CACNG5: variants seen among roughly 807,000 people sequenced by gnomAD.
The protein encoded by CACNG5 is voltage-dependent calcium channel gamma-5 subunit.
A neutral mutation model predicts 24.8 loss-of-function variants in CACNG5; 18 were observed. The observed-to-expected ratio is 0.73, with a 90% CI of 0.50 to 1.08. CACNG5 has a LOEUF of 1.08. Among genes scored for constraint, CACNG5 ranks in the 50% least tolerant of loss-of-function variants. The pLI, the probability that CACNG5 is intolerant of heterozygous loss-of-function variation, is 0.00. For missense variants in CACNG5, 349 were observed against 367.9 expected, an observed-to-expected ratio of 0.95 and a Z score of 0.42; for synonymous variants, 157 against 149.1, an observed-to-expected ratio of 1.05 and a Z score of -0.39.
chr17:66,838,990 C>G (rs1236774631), intron 1 of CACNG5, among the ~76,000 whole-genome samples: 1 of 85,824 alleles, frequency 1.2e-5, no homozygotes, highest in Non-Finnish European at 2.3e-5. Context: ...GAGACAGAGT[C>G]TCACTCTGTC....
At chr17:66,842,810 C>T (rs1476497813) in intron 1 of CACNG5, among the ~76,000 whole-genome samples, 1 of 152,162 alleles carries the variant, frequency 6.6e-6, no homozygotes, top group Non-Finnish European at 1.5e-5. Flanking sequence ...TCACCTTTGG[C>T]CAAGCAGCTG....
chr17:66,864,353 G>C (rs1303476138), intron 1 of CACNG5, among the ~76,000 whole-genome samples: 1 of 152,302 alleles, frequency 6.6e-6, no homozygotes, highest in African/African-American at 2.4e-5. Context: ...TCATAAGATT[G>C]CTGTGCCATC....
intron 1 of CACNG5, among the ~76,000 whole-genome samples, chr17:66,840,805 C>T (rs147430484): frequency 4.6e-5 from 7 of 152,228 alleles, no homozygotes; most frequent in African/African-American, 1.4e-4. Flanking sequence ...CTGGGACTGT[C>T]GGGCACACCG....
At chr17:66,862,106 T>C (rs1192445943) in intron 1 of CACNG5, among the ~76,000 whole-genome samples, 2 of 152,174 alleles carry the variant, frequency 1.3e-5, no homozygotes, top group Admixed American at 1.3e-4. Context: ...TTGGGTTGTA[T>C]CTGCAGGGCA....
intron 1 of CACNG5, among the ~76,000 whole-genome samples, chr17:66,843,129 G>T (rs1297460930): frequency 6.6e-6 from 1 of 152,122 alleles, no homozygotes; most frequent in African/African-American, 2.4e-5. Flanking sequence ...CTTGGTTGAG[G>T]GTATTATGAT....
chr17:66,867,383 T>C (rs1976944473), intron 1 of CACNG5, among the ~76,000 whole-genome samples: 1 of 152,234 alleles, frequency 6.6e-6, no homozygotes, highest in African/African-American at 2.4e-5. Flanking sequence ...CTTTGTTAGA[T>C]GAGTAGATTG....
intron 1 of CACNG5, among the ~76,000 whole-genome samples, chr17:66,858,537 G>C (rs1290631515): frequency 2.0e-5 from 3 of 152,162 alleles, no homozygotes; most frequent in African/African-American, 7.2e-5. Context: ...GGGATCTCCA[G>C]CTGAGCGGCA....
intron 1 of CACNG5, among the ~76,000 whole-genome samples, chr17:66,849,495 C>G (rs1407758961): frequency 3.3e-5 from 5 of 152,212 alleles, no homozygotes. Context: ...AACCCTGAAC[C>G]TTGGGATTAC....
In CACNG5 at chr17:66,880,630, C is replaced by T. The variant is rs1977145408; in HGVS notation, c.357C>T (p.Asn119=). 3 of 1,614,186 alleles carry T rather than the reference C, an allele frequency of 1.9e-6. No homozygotes were observed. Among genetic ancestry groups the T allele is most frequent in the East Asian group, 2.2e-5 (1 of 44,892 alleles). ...TGTTCATTGGGTTTATCCTGAACAA[C>T]ATCGGACACATCCGTCCCCACCGGA... The part of the protein sequence containing the change: ...FFMFIGFILN[N]IGHIRPHRTI... The change falls in exon 4 of 6, where the codon AAC becomes AAT. Residue 119 remains asparagine, a synonymous_variant. Transcript: ENST00000533854.
Position 66,877,284 on chromosome 17 carries a change from C to T in CACNG5, c.-49C>T, listed in dbSNP as rs189220145. The T allele has an allele frequency of 1.4e-3, 2,192 of 1,532,554 alleles. 10 individuals are homozygous for T. Among genetic ancestry groups the T allele is most frequent in the Non-Finnish European group, 1.1e-3 (1,225 of 1,115,648 alleles). The allele number at this position is 1,532,554 out of a possible 1,614,324, so 94.9% of individuals were successfully genotyped here. A position where few individuals can be genotyped will look rare whatever the true frequency, so the allele number is the denominator to read the frequency against. On this transcript the variant is annotated 5_prime_UTR_variant, in exon 2 of 6. Coordinates refer to ENST00000533854, the MANE Select transcript of CACNG5 (RefSeq NM_145811.3). ...CTCTCCCTAGCCCCAGAGCGCAGTCCGTGCTGGTGGGAGCGTGGCGACTAG... is the reference window on the plus strand; with the variant it reads ...CTCTCCCTAGCCCCAGAGCGCAGTCTGTGCTGGTGGGAGCGTGGCGACTAG...
Position 66,890,460 on chromosome 17 carries a change from A to T in CACNG5, c.*5220A>T, listed in dbSNP as rs886625654. Among the ~76,000 whole-genome samples, 2 of 152,192 alleles carry T rather than the reference A, an allele frequency of 1.3e-5. No individual in the cohort carries two copies. The highest frequency in any genetic ancestry group is 4.8e-5 in the African/African-American group (2 of 41,438). The stretch of plus-strand genomic sequence containing the variant: ...CATGTCCTTGGTACTGGCAGAGCTG[A>T]GGTCTCTGGAGTCTCACATCCCTGA... On this transcript the variant is annotated 3_prime_UTR_variant, in exon 6 of 6. Coordinates refer to ENST00000533854, the MANE Select transcript of CACNG5 (RefSeq NM_145811.3).
At chr17:66,873,328 C>T (rs1214382166) in intron 1 of CACNG5, among the ~76,000 whole-genome samples, 1 of 152,182 alleles carries the variant, frequency 6.6e-6, no homozygotes, top group Non-Finnish European at 1.5e-5. Flanking sequence ...AAATGTATTA[C>T]ATACTCTGGA....
intron 1 of CACNG5, among the ~76,000 whole-genome samples, chr17:66,840,957 G>A (rs1033200291): frequency 6.6e-6 from 1 of 152,192 alleles, no homozygotes; most frequent in Non-Finnish European, 1.5e-5. Context: ...GGATGTCACA[G>A]CCATATGACT....
intron 1 of CACNG5, among the ~76,000 whole-genome samples, chr17:66,847,235 G>A (rs565367254): frequency 3.7e-4 from 56 of 152,176 alleles, no homozygotes; most frequent in Non-Finnish European, 6.9e-4. Context: ...GACACAACTT[G>A]CCCTCTAGAG....
rs1977262423 is a variant in CACNG5, at chr17:66,886,476, C to CGTAA, written c.*1239_*1242dup. Reference sequence around the variant, plus strand: ...AGCCAGGAGGGTTTCAATTACCCTCCGTAAGTCCACAGAAGCCACTGCAAG... The same window carrying CGTAA: ...AGCCAGGAGGGTTTCAATTACCCTCCGTAAGTAAGTCCACAGAAGCCACTGCAAG... On this transcript the variant is annotated 3_prime_UTR_variant, in exon 6 of 6. Coordinates refer to ENST00000533854, the MANE Select transcript of CACNG5 (RefSeq NM_145811.3). Among the ~76,000 whole-genome samples, 1 of 152,146 alleles carries CGTAA rather than the reference C, an allele frequency of 6.6e-6. No homozygotes were observed. Among genetic ancestry groups the CGTAA allele is most frequent in the South Asian group, 2.1e-4 (1 of 4,824 alleles).
intron 1 of CACNG5, among the ~76,000 whole-genome samples, chr17:66,854,005 T>A (rs546096439): frequency 1.3e-5 from 2 of 152,234 alleles, no homozygotes; most frequent in Admixed American, 1.3e-4. Context: ...TATATGCTCA[T>A]CCTCATAGAA....
Position 66,877,278 on chromosome 17 carries a change from G to A in CACNG5, c.-55G>A, listed in dbSNP as rs1475499962. On this transcript the variant is annotated 5_prime_UTR_variant, in exon 2 of 6. Transcript: ENST00000533854. ...CACCCACTCTCCCTAGCCCCAGAGC[G>A]CAGTCCGTGCTGGTGGGAGCGTGGC... The A allele has an allele frequency of 3.4e-5, 51 of 1,479,476 alleles. No individual in the cohort carries two copies. The highest frequency in any genetic ancestry group is 3.0e-4 in the East Asian group (13 of 43,906). The allele number at this position is 1,479,476 out of a possible 1,614,324, so 91.6% of individuals were successfully genotyped here.
Position 66,891,054 on chromosome 17 carries a change from A to T in CACNG5, c.*5814A>T, listed in dbSNP as rs1977336640. Among the ~76,000 whole-genome samples, 1 of 152,208 alleles carries T rather than the reference A, an allele frequency of 6.6e-6. No homozygotes were observed. The highest frequency in any genetic ancestry group is 2.1e-4 in the South Asian group (1 of 4,834). Reference sequence around the variant, plus strand: ...AGGCAGAATTCTGCTGCCTTTATCCACGAGTGGGTAGCAAGATGGCAACAG... The same window carrying T: ...AGGCAGAATTCTGCTGCCTTTATCCTCGAGTGGGTAGCAAGATGGCAACAG... On this transcript the variant is annotated 3_prime_UTR_variant, in exon 6 of 6. Transcript: ENST00000533854.
At chr17:66,884,170 T>C (rs1485236590) in intron 4 of CACNG5, among the ~76,000 whole-genome samples, 1 of 149,190 alleles carries the variant, frequency 6.7e-6, no homozygotes, top group South Asian at 2.1e-4. Flanking sequence ...GAAAATACAG[T>C]GCCAGGTCCC....
Sources: gnomAD v4.1 joint callset for allele counts (sites outside exome capture counted in the v4.1 genomes callset) on GRCh38, gnomAD v4.1.1 for gene constraint, MANE v1.5 for transcripts, NCBI Gene and HGNC (gene_info 2026-07-23, HGNC 2026-07-21) for gene names.